The following CPSF1 variants were observed in gnomAD, a reference collection of about 807,000 sequenced individuals.
CPSF1 encodes the protein cleavage and polyadenylation specificity factor subunit 1.
A neutral mutation model predicts 175.8 loss-of-function variants in CPSF1; 106 were observed. The ratio of observed to expected loss-of-function variants is 0.60; its 90% CI spans 0.52 to 0.71. The LOEUF is 0.71. Ranked by LOEUF, CPSF1 falls within the 30% of genes least tolerant of loss-of-function variation. The pLI is 0.00. For synonymous variants in CPSF1, 1,024 were observed against 858.3 expected (o/e 1.19, Z -3.37); for missense variants, 1,734 against 2,022.9 (o/e 0.86, Z 2.74).
At chr8:144,407,298 C>T (rs1821548119) in intron 2 of CPSF1, among the ~76,000 whole-genome samples, 1 of 151,800 alleles carries the variant, frequency 6.6e-6, no homozygotes, top group Admixed American at 6.6e-5. Flanking sequence ...TCACTGCAGC[C>T]TTGACCTCCT....
Position 144,400,559 on chromosome 8 carries a change from C to G in CPSF1, c.687-66G>C, listed in dbSNP as rs145477989. The stretch of plus-strand genomic sequence containing the variant: ...GCAGAGACCCAGGCCCAGCTCCTCC[C>G]GAGCAAGCCCCACCACACCCCATAG... On this transcript the variant is annotated intron_variant, in intron 7 of 37. Coordinates refer to ENST00000616140, the MANE Select transcript of CPSF1 (RefSeq NM_013291.3). 6.2e-6 allele frequency: 10 copies of G among 1,607,344 alleles called. No individual in the cohort carries two copies. In the Admixed American group the frequency reaches 1.5e-4, roughly 24 times the overall value.
rs2130761765 is a variant in CPSF1, at chr8:144,396,467, A to G, written c.2860T>C (p.Leu954=). 1 of 1,606,776 alleles carries G rather than the reference A, an allele frequency of 6.2e-7. No individual in the cohort carries two copies. The highest frequency in any genetic ancestry group is 1.1e-5 in the South Asian group (1 of 90,516). ...CGCAGAGCCCCTCGGCCGGTCACCA[A>G]GAGCCAGTGAGGGGAGGGGCCGCAG... The part of the protein sequence containing the change: ...FICGPSPHWL[L]VTGRGALRLH... Residue 954 remains leucine (L), a synonymous_variant, in exon 26 of 38, where the codon TTG becomes CTG. Transcript: ENST00000616140.
chr8:144,398,691 C>A, intron 17 of CPSF1, 53 bp from the exon 18 acceptor site: 1 of 1,605,018 alleles, frequency 6.2e-7, no homozygotes, highest in South Asian at 1.1e-5. Context: ...TGAAGGCAGG[C>A]ACGCAGGTGC....
chr8:144,405,335 T>C (rs918469957), intron 2 of CPSF1, among the ~76,000 whole-genome samples: 1 of 152,086 alleles, frequency 6.6e-6, no homozygotes, highest in Non-Finnish European at 1.5e-5. Flanking sequence ...CACCTGGGAA[T>C]GTCTTGGCCG....
At chr8:144,407,500 G>C (rs548178612) in intron 2 of CPSF1, among the ~76,000 whole-genome samples, 1 of 151,994 alleles carries the variant, frequency 6.6e-6, no homozygotes, top group Non-Finnish European at 1.5e-5. Context: ...TGGCCAATGT[G>C]GCGAAACCCT....
chr8:144,396,737 G>A lies in CPSF1; in HGVS notation c.2687C>T (p.Pro896Leu). ...GNLKVRFKKV[P>L]HNINFREKKP... ...CTTCTCACGGAAGTTGATGTTGTGA[G>A]GGACCTGGGGGGGAACCATGCAGGT... is the stretch of plus-strand genomic sequence containing the variant. Residue 896 changes from proline (P) to leucine (L), a missense_variant, in exon 25 of 38, where the codon CCT becomes CTT. This residue lies in a region of CPSF1 where 585 missense variants were observed against 584.7 expected (regional missense o/e 1.00). Transcript: ENST00000616140. 6.2e-7 allele frequency: 1 copy of A among 1,613,880 alleles called. No homozygotes were observed. The highest frequency in any genetic ancestry group is 1.1e-5 in the South Asian group (1 of 91,080).
chr8:144,395,212 A>G (rs782038032), intron 28 of CPSF1, 30 bp from the exon 29 acceptor site: 1 of 1,612,576 alleles, frequency 6.2e-7, no homozygotes, highest in Non-Finnish European at 8.5e-7. Flanking sequence ...CAGTCAGAGT[A>G]GGGCTTCCCC....
chr8:144,401,772 T>A, intron 2 of CPSF1, 99 bp from the exon 3 acceptor site: 1 of 1,310,602 alleles, frequency 7.6e-7, no homozygotes, highest in Non-Finnish European at 1.0e-6. Context: ...CCCTGCCTCC[T>A]GGGAGCTCTG....
chr8:144,396,691 C>T lies in CPSF1; in HGVS notation c.2733G>A (p.Lys911=). The T allele has an allele frequency of 6.2e-7, 1 of 1,613,970 alleles. No individual in the cohort carries two copies. The highest frequency in any genetic ancestry group is 8.5e-7 in the Non-Finnish European group (1 of 1,180,018). ...CCTCTGCGCCGCCACCTTCTGCTTT[C>T]TTCTTGGATGGCTTTGGCTTCTTCT... is the stretch of plus-strand genomic sequence containing the variant. ...FREKKPKPSK[K]KAEGGGAEEG... is the part of the protein sequence containing the mutation. The change falls in exon 25 of 38, where the codon AAG becomes AAA. Residue 911 remains lysine (K), a synonymous_variant. Coordinates refer to ENST00000616140, the MANE Select transcript of CPSF1 (RefSeq NM_013291.3).
rs2116869228 is a variant in CPSF1 at position 144,400,027 on chromosome 8, G to A, written c.996C>T (p.Tyr332=). Residue 332 remains tyrosine, a synonymous_variant, in exon 10 of 38, where the codon TAC becomes TAT. Transcript: ENST00000616140. ...CCTTGAGGGAGATGACCATCTTGTC[G>A]TAGGAGATGAAGGTGGCCTGGGCGC... ...LDCAQATFIS[Y]DKMVISLKGG... is the part of the protein sequence containing the mutation. 4.2e-5 allele frequency: 68 copies of A among 1,612,142 alleles called. No homozygotes were observed. The highest frequency in any genetic ancestry group is 1.0e-4 in the Admixed American group (6 of 59,974).
intron 2 of CPSF1, among the ~76,000 whole-genome samples, chr8:144,405,068 AG>A (rs1386089573): frequency 5.0e-4 from 1 of 2,000 alleles, no homozygotes. Flanking sequence ...AAAGAAAGAA[AG>A]AAAAAAAAAC....
In CPSF1 at chr8:144,400,817, C is replaced by T. The variant is rs2116878610; in HGVS notation, c.540G>A (p.Gly180=). ...AGCTGGGCAGGAAGCTGGACCTCTG[C>T]CTGGGGGGCCAGGGGCTTCAGCAGG... The part of the protein sequence containing the change: ...AEEHEGLVGE[G]QRSSFLPSYI... Residue 180 remains glycine (G), a splice_region_variant and synonymous_variant, in exon 7 of 38, where the codon GGG becomes GGA. Transcript: ENST00000616140. The T allele has an allele frequency of 6.2e-6, 10 of 1,613,500 alleles. No homozygotes were observed. The highest frequency in any genetic ancestry group is 2.5e-6 in the Non-Finnish European group (3 of 1,179,914).
At chr8:144,401,321 C>T (rs2116883530) in intron 4 of CPSF1, 30 bp from the exon 5 acceptor site, 6 of 1,591,862 alleles carry the variant, frequency 3.8e-6, no homozygotes, top group East Asian at 2.3e-5. Context: ...CCGTGGCTGC[C>T]GACTGCCGGT....
At position 144,407,739 on chromosome 8, in the gene CPSF1, G is replaced by C. The variant is rs115055010; in HGVS notation, c.144+1276C>G. Among the ~76,000 whole-genome samples, 900 of 152,268 alleles carry C rather than the reference G, an allele frequency of 5.9e-3. 13 individuals carry two copies. Among genetic ancestry groups the C allele is most frequent in the African/African-American group, 0.021 (871 of 41,552 alleles). ...AAAAAAAATTATTTGTAGAGATGGG[G>C]TCTTGCTATGTTGCTCAGGCCAGTC... On this transcript the variant is annotated intron_variant, in intron 2 of 37. Coordinates refer to ENST00000616140, the MANE Select transcript of CPSF1 (RefSeq NM_013291.3).
rs2116859200 is a variant in CPSF1, at chr8:144,399,123, G to A, written c.1467+5C>T. Reference sequence around the variant, plus strand: ...GCCCCCAGCCCCGACCCCAACCCTGGGCACCTCTTCAGAGAGGAAGGCAGG... The same window carrying A: ...GCCCCCAGCCCCGACCCCAACCCTGAGCACCTCTTCAGAGAGGAAGGCAGG... On this transcript the variant is annotated splice_donor_5th_base_variant and intron_variant, in intron 15 of 37. Transcript: ENST00000616140. The surrounding 1 kb of genome is among the most constrained non-coding windows in gnomAD (Gnocchi z 6.4). 9.6e-6 allele frequency: 15 copies of A among 1,562,294 alleles called. No homozygotes were observed. In the African/African-American group the frequency reaches 1.8e-4, roughly 18 times the overall value.
At chr8:144,405,881 G>A (rs1162498145) in intron 2 of CPSF1, among the ~76,000 whole-genome samples, 1 of 152,178 alleles carries the variant, frequency 6.6e-6, no homozygotes, top group African/African-American at 2.4e-5. Context: ...GGAGAGTGGA[G>A]GGACGGTGTG....
chr8:144,397,948 G>T lies in CPSF1; in HGVS notation c.2073+6C>A. 1 of 1,605,398 alleles carries T rather than the reference G, an allele frequency of 6.2e-7. No individual in the cohort carries two copies. Among genetic ancestry groups the T allele is most frequent in the East Asian group, 2.2e-5 (1 of 44,716 alleles). ...ACAGGAGGGCGCCGGGAATGAGGGG[G>T]CCTACATGGTGCAGCGGGGGCTTGT... is the stretch of plus-strand genomic sequence containing the variant. On this transcript the variant is annotated splice_donor_region_variant and intron_variant, in intron 20 of 37. Coordinates refer to ENST00000616140, the MANE Select transcript of CPSF1 (RefSeq NM_013291.3).
chr8:144,402,296 G>T (rs1366860646), intron 2 of CPSF1, among the ~76,000 whole-genome samples: 8 of 150,834 alleles, frequency 5.3e-5, no homozygotes, highest in Non-Finnish European at 8.9e-5. Context: ...TTTTTGTTTT[G>T]TTTTTTTTTG....
chr8:144,394,198 C>A, intron 33 of CPSF1, 36 bp downstream of exon 33: 1 of 1,612,038 alleles, frequency 6.2e-7, no homozygotes, highest in East Asian at 2.2e-5. Context: ...CCGGCCACCC[C>A]CAGAGCCTCA....
Sources: gnomAD v4.1 joint callset for allele counts (sites outside exome capture counted in the v4.1 genomes callset) on GRCh38, gnomAD v4.1.1 for gene constraint, gnomAD v4.1.1 regional missense constraint, Gnocchi (gnomAD v3.1) non-coding constraint, MANE v1.5 for transcripts, NCBI Gene and HGNC (gene_info 2026-07-23, HGNC 2026-07-21) for gene names.